Variants in PIK3R1 observed in about 807,000 individuals in gnomAD.
PIK3R1 encodes phosphatidylinositol 3-kinase regulatory subunit alpha.
Under a neutral mutation model 98.0 loss-of-function variants are expected in PIK3R1, and 29 were observed. The ratio of observed to expected loss-of-function variants is 0.30; its 90% CI spans 0.22 to 0.40. The LOEUF is 0.40. PIK3R1 is among the 10% of genes least tolerant of loss of function. The probability of loss-of-function intolerance (pLI) is 1.00; values close to 1 mark genes in which losing one functional copy is unlikely to be tolerated. For missense variants in PIK3R1, 596 were observed against 872.7 expected, an observed-to-expected ratio of 0.68 and a Z score of 3.99; for synonymous variants, 282 against 311.8, an observed-to-expected ratio of 0.90 and a Z score of 1.01.
chr5:68,236,482 C>T (rs148088526), intron 2 of PIK3R1, among the ~76,000 whole-genome samples: 15,545 of 152,060 alleles, frequency 0.1, 916 homozygotes, highest in Non-Finnish European at 0.14. Context: ...ATCTCTTGAC[C>T]TTGTGATCCG....
At chr5:68,265,115 C>CACTGTCTATATCACAGT (rs2112133684) in intron 2 of PIK3R1, among the ~76,000 whole-genome samples, 1 of 151,898 alleles carries the variant, frequency 6.6e-6, no homozygotes, top group Admixed American at 6.5e-5. Flanking sequence ...GTCCGAGGAC[C>CACTGTCTATATCACAGT]GGCAGCATGG....
At chr5:68,250,958 G>C (rs1264463158) in intron 2 of PIK3R1, among the ~76,000 whole-genome samples, 1 of 152,230 alleles carries the variant, frequency 6.6e-6, no homozygotes. Flanking sequence ...ATAATTTTAA[G>C]AGAGTGTGTA....
intron 2 of PIK3R1, among the ~76,000 whole-genome samples, chr5:68,246,044 A>C (rs528836384): frequency 5.5e-4 from 84 of 152,326 alleles, no homozygotes; most frequent in South Asian, 4.1e-3. Flanking sequence ...GACCACTGGA[A>C]TAAAGTTTTG....
rs1748025287 is a variant in PIK3R1, at chr5:68,301,252, G to A, written c.*3651G>A. 1.0e-5 allele frequency: 2 copies of A among 200,352 alleles called. No homozygotes were observed. The highest frequency in any genetic ancestry group is 2.0e-5 in the Non-Finnish European group (2 of 98,088). The allele number at this position is 200,352 out of a possible 1,614,324, so 12.4% of individuals were successfully genotyped here. On this transcript the variant is annotated 3_prime_UTR_variant, in exon 16 of 16. Transcript: ENST00000521381. ...TATAAAATACTGGTATTATGGGTGGGGAGGAAATAGAATTGAGTCAATTGG... is the reference window on the plus strand; with the variant it reads ...TATAAAATACTGGTATTATGGGTGGAGAGGAAATAGAATTGAGTCAATTGG...
intron 2 of PIK3R1, among the ~76,000 whole-genome samples, chr5:68,231,579 C>G (rs961986716): frequency 2.6e-5 from 4 of 152,200 alleles, no homozygotes; most frequent in African/African-American, 7.2e-5. Context: ...AAATCACAAA[C>G]ATTGACTACA....
Position 68,223,384 on chromosome 5 carries a change from T to C in PIK3R1, c.-386-2906T>C, listed in dbSNP as rs942735148. On this transcript the variant is annotated intron_variant, in intron 1 of 15. Transcript: ENST00000521381. ...TGACTGCTCTCCTTTTTTTTTTTTT[T>C]CCACAACATTGCCCTCAGACCACTT... Among the ~76,000 whole-genome samples, 653 of 151,958 alleles carry C rather than the reference T, an allele frequency of 4.3e-3. 2 individuals are homozygous for C. Among genetic ancestry groups the C allele is most frequent in the African/African-American group, 0.013 (547 of 41,408 alleles).
chr5:68,246,376 G>A (rs1295438258), intron 2 of PIK3R1, among the ~76,000 whole-genome samples: 1 of 150,198 alleles, frequency 6.7e-6, no homozygotes, highest in African/African-American at 2.5e-5. Flanking sequence ...GCAGTGGCGC[G>A]ATCTCGGCTC....
chr5:68,216,166 G>A (rs1247509794), intron 1 of PIK3R1, among the ~76,000 whole-genome samples: 1 of 152,132 alleles, frequency 6.6e-6, no homozygotes, highest in East Asian at 1.9e-4. Flanking sequence ...CGTCCTGTGA[G>A]ATCCCCGCCA....
At chr5:68,217,102 CTTCTT>C (rs1294884327) in intron 1 of PIK3R1, among the ~76,000 whole-genome samples, 1 of 151,898 alleles carries the variant, frequency 6.6e-6, no homozygotes, top group Non-Finnish European at 1.5e-5. Context: ...TCTTTTTTCT[CTTCTT>C]TTCCTCTTTG....
chr5:68,250,718 A>G (rs555692185), intron 2 of PIK3R1, among the ~76,000 whole-genome samples: 1 of 152,296 alleles, frequency 6.6e-6, no homozygotes, highest in South Asian at 2.1e-4. Flanking sequence ...TTGGAAACAC[A>G]ATCCACATGT....
At chr5:68,250,924 A>C in intron 2 of PIK3R1, among the ~76,000 whole-genome samples, 1 of 152,228 alleles carries the variant, frequency 6.6e-6, no homozygotes, top group Non-Finnish European at 1.5e-5. Context: ...CTCAAGAGGA[A>C]GCCTAATTCA....
chr5:68,295,417 C>T lies in PIK3R1; in HGVS notation c.1746-3C>T. On this transcript the variant is annotated splice_region_variant and splice_polypyrimidine_tract_variant and intron_variant, in intron 13 of 15. Transcript: ENST00000521381. ...GCGTTCTCTTTTCAAAACTGTTTTT[C>T]AGGTGGTTGACTCAAAAAGGTGTTC... 6.2e-7 allele frequency: 1 copy of T among 1,614,090 alleles called. No homozygotes were observed. Among genetic ancestry groups the T allele is most frequent in the East Asian group, 2.2e-5 (1 of 44,866 alleles).
At chr5:68,256,212 A>G (rs1389127460) in intron 2 of PIK3R1, among the ~76,000 whole-genome samples, 1 of 152,188 alleles carries the variant, frequency 6.6e-6, no homozygotes, top group Non-Finnish European at 1.5e-5. Context: ...AAAAGTATAA[A>G]AACATTTTGT....
Position 68,301,066 on chromosome 5 carries a change from CTG to C in PIK3R1, c.*3468_*3469del, listed in dbSNP as rs1748016261. 1 of 231,746 alleles carries C rather than the reference CTG, an allele frequency of 4.3e-6. No homozygotes were observed. The highest frequency in any genetic ancestry group is 8.5e-6 in the Non-Finnish European group (1 of 117,018). The allele number at this position is 231,746 out of a possible 1,614,324, so 14.4% of individuals were successfully genotyped here. ...AGAAAAAATCTGCTGGTTTTAACAA[CTG>C]TGCTTTTGCTATGTATGGTATCCAA... On this transcript the variant is annotated 3_prime_UTR_variant, in exon 16 of 16. Coordinates refer to ENST00000521381, the MANE Select transcript of PIK3R1 (RefSeq NM_181523.3).
chr5:68,262,664 CACATGTAGAT>C (rs1463648423), intron 2 of PIK3R1, among the ~76,000 whole-genome samples: 10 of 125,448 alleles, frequency 8.0e-5, no homozygotes, highest in African/African-American at 2.4e-4. Flanking sequence ...TGCATGTATA[CACATGTAGAT>C]ACATGTATCT....
At chr5:68,292,929 G>T in intron 8 of PIK3R1, 172 bp from the exon 9 acceptor site, 1 of 676,770 alleles carries the variant, frequency 1.5e-6, no homozygotes, top group Non-Finnish European at 2.4e-6. Flanking sequence ...CTCTGAAAAT[G>T]CAATTCATTA....
intron 7 of PIK3R1, chr5:68,291,982 A>C: frequency 3.6e-6 from 1 of 273,984 alleles, no homozygotes; most frequent in Non-Finnish European, 6.9e-6. Flanking sequence ...ATGACTCTGG[A>C]TTTACTTTGA....
chr5:68,246,685 G>C (rs1745105656), intron 2 of PIK3R1, among the ~76,000 whole-genome samples: 1 of 152,100 alleles, frequency 6.6e-6, no homozygotes, highest in South Asian at 2.1e-4. Context: ...GTGCAGTGGT[G>C]CGATCTTGGC....
intron 2 of PIK3R1, among the ~76,000 whole-genome samples, chr5:68,238,402 G>A (rs1300107929): frequency 6.6e-6 from 1 of 152,168 alleles, no homozygotes. Context: ...TTTGAAAGAA[G>A]AGTAGACCTC....
Sources: allele counts gnomAD v4.1 joint callset (sites outside exome capture counted in the v4.1 genomes callset), GRCh38; gene constraint gnomAD v4.1.1; transcripts MANE v1.5; gene names NCBI Gene and HGNC (gene_info 2026-07-23, HGNC 2026-07-21).